The following RAD51B variants were observed in gnomAD, a reference collection of about 807,000 sequenced individuals.
RAD51B encodes the protein DNA repair protein RAD51 homolog 2.
Under a neutral mutation model 42.2 loss-of-function variants are expected in RAD51B, and 38 were observed. The ratio of observed to expected loss-of-function variants is 0.90; its 90% CI spans 0.70 to 1.18. The LOEUF (loss-of-function observed/expected upper bound fraction) is 1.18, where lower values mean the gene tolerates loss of function less well. Among genes scored for constraint, RAD51B ranks in the 50% most tolerant of loss-of-function variants. The pLI is 0.00. For missense variants in RAD51B, 373 were observed against 400.7 expected, an observed-to-expected ratio of 0.93 and a Z score of 0.59; for synonymous variants, 154 against 145.2, an observed-to-expected ratio of 1.06 and a Z score of -0.43.
chr14:68,173,872 A>G (rs986325036), intron 7 of RAD51B, among the ~76,000 whole-genome samples: 1 of 152,212 alleles, frequency 6.6e-6, no homozygotes, highest in African/African-American at 2.4e-5. Context: ...AGGTCATTAT[A>G]TTAACATCTG....
chr14:68,343,720 T>C (rs954482273), intron 8 of RAD51B, among the ~76,000 whole-genome samples: 1 of 152,268 alleles, frequency 6.6e-6, no homozygotes, highest in African/African-American at 2.4e-5. Context: ...CAGACTCTGC[T>C]ATCAGACCCA....
chr14:68,573,908 G>A (rs1852664434), intron 10 of RAD51B, among the ~76,000 whole-genome samples: 1 of 152,134 alleles, frequency 6.6e-6, no homozygotes, highest in Non-Finnish European at 1.5e-5. Context: ...CATGAGTATG[G>A]GCTGAGCTTG....
intron 7 of RAD51B, among the ~76,000 whole-genome samples, chr14:68,009,720 C>A (rs2075652585): frequency 6.6e-6 from 1 of 151,920 alleles, no homozygotes; most frequent in Admixed American, 6.6e-5. Context: ...TATAAAATAG[C>A]ACCCTTTAGT....
chr14:68,421,869 C>T (rs540872192), intron 9 of RAD51B: 1 of 1,596,136 alleles, frequency 6.3e-7, no homozygotes, highest in East Asian at 2.2e-5. Flanking sequence ...AAACTGGGAA[C>T]CATTTGTGTT....
chr14:68,380,978 A>G (rs888611408), intron 8 of RAD51B, among the ~76,000 whole-genome samples: 1 of 152,230 alleles, frequency 6.6e-6, no homozygotes, highest in Non-Finnish European at 1.5e-5. Flanking sequence ...GCATCTATTG[A>G]TACATTTCTA....
At chr14:68,569,689 G>T (rs914704704) in intron 10 of RAD51B, among the ~76,000 whole-genome samples, 3 of 152,208 alleles carry the variant, frequency 2.0e-5, no homozygotes, top group African/African-American at 7.2e-5. Flanking sequence ...CCTCCTTGGA[G>T]ATGGGAATGC....
chr14:68,025,132 G>A (rs1454647353), intron 7 of RAD51B, among the ~76,000 whole-genome samples: 4 of 151,996 alleles, frequency 2.6e-5, no homozygotes, highest in South Asian at 2.1e-4. Flanking sequence ...TTCTGTTTAT[G>A]TTGTGAATCA....
chr14:67,884,457 TA>T (rs1391474244), intron 5 of RAD51B, among the ~76,000 whole-genome samples: 1 of 152,196 alleles, frequency 6.6e-6, no homozygotes, highest in Non-Finnish European at 1.5e-5. Context: ...CCTATCCTGT[TA>T]AAAACTGGTA....
At chr14:68,588,941 GCTTGGCTAAAGCTGCTTTT>G (rs1890615537) in intron 10 of RAD51B, among the ~76,000 whole-genome samples, 1 of 152,208 alleles carries the variant, frequency 6.6e-6, no homozygotes, top group Non-Finnish European at 1.5e-5. Context: ...TCCCAACGGG[GCTTGGCTAAAGCTGCTTTT>G]CAAATTAGTT....
intron 11 of RAD51B, among the ~76,000 whole-genome samples, chr14:68,655,807 T>A (rs1188998416): frequency 1.3e-5 from 2 of 152,188 alleles, no homozygotes; most frequent in African/African-American, 2.4e-5. Flanking sequence ...CCAGCTTCCA[T>A]CTTACAGATC....
At chr14:68,089,790 C>G (rs2077059030) in intron 7 of RAD51B, among the ~76,000 whole-genome samples, 1 of 152,142 alleles carries the variant, frequency 6.6e-6, no homozygotes, top group South Asian at 2.1e-4. Context: ...ATTTAAATTA[C>G]ACTTCAAGAT....
chr14:67,885,997 C>A lies in RAD51B; in HGVS notation c.572+9C>A. On this transcript the variant is annotated intron_variant, in intron 6 of 10. Coordinates refer to ENST00000471583, the MANE Select transcript of RAD51B (RefSeq NM_133510.4). ...GATGAAGTTCTACAAAGGTATGCTG[C>A]TTTAGATTTTGATTTTTTAGTAATG... The A allele has an allele frequency of 6.4e-7, 1 of 1,551,814 alleles. No individual in the cohort carries two copies. Among genetic ancestry groups the A allele is most frequent in the Non-Finnish European group, 8.8e-7 (1 of 1,140,298 alleles).
intron 7 of RAD51B, among the ~76,000 whole-genome samples, chr14:67,971,239 C>G (rs186238815): frequency 6.6e-6 from 1 of 151,780 alleles, no homozygotes; most frequent in Non-Finnish European, 1.5e-5. Context: ...CGGTTACATG[C>G]GAATTTTAAA....
chr14:68,238,135 C>T (rs1441857056), intron 7 of RAD51B, among the ~76,000 whole-genome samples: 1 of 152,140 alleles, frequency 6.6e-6, no homozygotes, highest in Non-Finnish European at 1.5e-5. Context: ...TTTTACATTC[C>T]CACCATCAAT....
At chr14:68,261,168 T>A (rs2080881166) in intron 7 of RAD51B, among the ~76,000 whole-genome samples, 1 of 152,254 alleles carries the variant, frequency 6.6e-6, no homozygotes, top group Admixed American at 6.5e-5. Flanking sequence ...CATTTTGAAA[T>A]TGGGCATCTT....
chr14:68,633,803 C>G (rs1272921881), intron 10 of RAD51B, among the ~76,000 whole-genome samples: 1 of 152,212 alleles, frequency 6.6e-6, no homozygotes, highest in Non-Finnish European at 1.5e-5. Flanking sequence ...TCCTGGAGGA[C>G]AGAGGTAAGG....
chr14:68,517,240 A>C (rs932039847), intron 10 of RAD51B, among the ~76,000 whole-genome samples: 2 of 151,506 alleles, frequency 1.3e-5, no homozygotes. Context: ...GAAGGAAAGG[A>C]AAGGGAAGGG....
chr14:67,839,458 T>C (rs781630794), intron 4 of RAD51B, among the ~76,000 whole-genome samples: 2 of 152,146 alleles, frequency 1.3e-5, no homozygotes, highest in Non-Finnish European at 2.9e-5. Flanking sequence ...AAATTTATTA[T>C]AATAAAGTTA....
chr14:68,578,392 CAA>C, intron 10 of RAD51B, among the ~76,000 whole-genome samples: 1 of 152,118 alleles, frequency 6.6e-6, no homozygotes, highest in East Asian at 1.9e-4. Flanking sequence ...GCTTGGGCAA[CAA>C]GAGGGAAACT....
Sources: allele counts gnomAD v4.1 joint callset (sites outside exome capture counted in the v4.1 genomes callset), GRCh38; gene constraint gnomAD v4.1.1; transcripts MANE v1.5; gene names NCBI Gene and HGNC (gene_info 2026-07-23, HGNC 2026-07-21).